Variants in ATP13A3 observed in about 807,000 individuals in gnomAD.
The protein encoded by ATP13A3 is polyamine-transporting ATPase 13A3.
Under a neutral mutation model 158.1 loss-of-function variants are expected in ATP13A3, and 59 were observed. The ratio of observed to expected loss-of-function variants is 0.37; its 90% CI spans 0.30 to 0.46. The LOEUF is 0.46. Among genes scored for constraint, ATP13A3 ranks in the 20% least tolerant of loss-of-function variants. ATP13A3 has a pLI of 1.00. For synonymous variants in ATP13A3, 491 were observed against 504.3 expected, an observed-to-expected ratio of 0.97 and a Z score of 0.35; for missense variants, 1,166 against 1,525.2, an observed-to-expected ratio of 0.76 and a Z score of 3.92.
chr3:194,411,523 C>A (rs1053198966), intron 33 of ATP13A3, among the ~76,000 whole-genome samples: 8 of 152,200 alleles, frequency 5.3e-5, no homozygotes, highest in African/African-American at 1.9e-4. Context: ...CATCCTAACA[C>A]TAGGAAATGG....
At chr3:194,425,257 T>C (rs1716679842) in intron 30 of ATP13A3, 85 bp downstream of exon 30, 2 of 1,247,818 alleles carry the variant, frequency 1.6e-6, no homozygotes, top group Non-Finnish European at 1.1e-6. Context: ...TGGTTTACTG[T>C]GGCAAAGACA....
intron 2 of ATP13A3, among the ~76,000 whole-genome samples, chr3:194,485,378 G>A (rs1209955858): frequency 1.3e-5 from 2 of 152,166 alleles, no homozygotes; most frequent in Non-Finnish European, 2.9e-5. Flanking sequence ...AACCTCTAGA[G>A]AAAATAATGT....
intron 31 of ATP13A3, among the ~76,000 whole-genome samples, chr3:194,415,661 C>CTTTTTTTTTTTTTTTTTTTTT (rs751005733): frequency 6.6e-5 from 6 of 90,928 alleles, no homozygotes; most frequent in South Asian, 4.0e-4. Context: ...ATACCACATT[C>CTTTTTTTTTTTTTTTTTTTTT]TTTTTTTTTT....
chr3:194,457,268 G>A (rs1719296378), intron 6 of ATP13A3, 94 bp from the exon 7 acceptor site: 1 of 861,348 alleles, frequency 1.2e-6, no homozygotes, highest in Non-Finnish European at 1.8e-6. Context: ...TTATAAAGGT[G>A]TGACTTCCTT....
intron 15 of ATP13A3, among the ~76,000 whole-genome samples, chr3:194,441,823 C>A (rs749632325): frequency 6.6e-6 from 1 of 152,158 alleles, no homozygotes; most frequent in Non-Finnish European, 1.5e-5. Flanking sequence ...AAGAGCTACA[C>A]GCCCTTGGGA....
intron 4 of ATP13A3, among the ~76,000 whole-genome samples, chr3:194,460,176 CAT>C (rs1719547255): frequency 6.6e-6 from 1 of 152,124 alleles, no homozygotes; most frequent in Non-Finnish European, 1.5e-5. Context: ...GTTTTTATGA[CAT>C]ATTTTACCGA....
intron 2 of ATP13A3, among the ~76,000 whole-genome samples, chr3:194,464,270 T>C (rs746549023): frequency 3.3e-5 from 5 of 152,144 alleles, no homozygotes; most frequent in Non-Finnish European, 7.3e-5. Flanking sequence ...GGTGCAAAAA[T>C]AAATAACCAG....
At position 194,459,353 on chromosome 3, in the gene ATP13A3, G is replaced by C. The variant is rs1401076496; in HGVS notation, c.479+118C>G. The C allele has an allele frequency of 4.1e-6, 3 of 737,530 alleles. No homozygotes were observed. The African/African-American group carries it at 5.4e-5, about 13-fold the overall frequency. The allele number at this position is 737,530 out of a possible 1,614,324, so 45.7% of individuals were successfully genotyped here. On this transcript the variant is annotated intron_variant, in intron 6 of 33. Transcript: ENST00000645319. Reference sequence around the variant, plus strand: ...AACAGGGAGTTGTTAATTAATACGTGAATAGAAATTATAAAATAAAACCTC... The same window carrying C: ...AACAGGGAGTTGTTAATTAATACGTCAATAGAAATTATAAAATAAAACCTC...
chr3:194,446,397 G>C (rs1294367325), intron 14 of ATP13A3, among the ~76,000 whole-genome samples: 1 of 152,112 alleles, frequency 6.6e-6, no homozygotes, highest in Non-Finnish European at 1.5e-5. Flanking sequence ...GTCCCAGTCT[G>C]CGCGAGTGTG....
chr3:194,450,092 T>C, intron 11 of ATP13A3, 53 bp downstream of exon 11: 2 of 1,572,094 alleles, frequency 1.3e-6, no homozygotes, highest in South Asian at 1.1e-5. Flanking sequence ...CTCACTAACT[T>C]AGTCATGATA....
Position 194,478,288 on chromosome 3 carries a change from C to T in ATP13A3, c.-47+7506G>A, listed in dbSNP as rs562008688. On this transcript the variant is annotated intron_variant, in intron 2 of 33. Transcript: ENST00000645319. ...ACCTTAAGGAACCACATCTAGTAGGCTAGACAAATAAGTAAGCAAACAAAT... is the reference window on the plus strand; with the variant it reads ...ACCTTAAGGAACCACATCTAGTAGGTTAGACAAATAAGTAAGCAAACAAAT... Among the ~76,000 whole-genome samples, 5 of 151,430 alleles carry T rather than the reference C, an allele frequency of 3.3e-5. No individual in the cohort carries two copies. The East Asian group carries it at 5.8e-4, about 18-fold the overall frequency.
At chr3:194,429,152 G>A (rs1339222807) in intron 27 of ATP13A3, among the ~76,000 whole-genome samples, 1 of 152,022 alleles carries the variant, frequency 6.6e-6, no homozygotes, top group Non-Finnish European at 1.5e-5. Flanking sequence ...CAATAGGCTG[G>A]GCGCGGTGAC....
At chr3:194,462,292 T>C in intron 2 of ATP13A3, 56 bp from the exon 3 acceptor site, 1 of 1,158,704 alleles carries the variant, frequency 8.6e-7, no homozygotes, top group Non-Finnish European at 1.3e-6. Flanking sequence ...TAGTAGACGA[T>C]ACAACTGCAT....
intron 16 of ATP13A3, among the ~76,000 whole-genome samples, chr3:194,440,188 G>C (rs904485891): frequency 3.7e-4 from 56 of 152,298 alleles, no homozygotes; most frequent in African/African-American, 1.3e-3. Context: ...CCTATGGATG[G>C]ATACAAACGG....
At chr3:194,417,451 A>G in intron 31 of ATP13A3, among the ~76,000 whole-genome samples, 1 of 151,314 alleles carries the variant, frequency 6.6e-6, no homozygotes. Flanking sequence ...ACACAAAAGG[A>G]GGAAGAAGGA....
At position 194,467,596 on chromosome 3, in the gene ATP13A3, G is replaced by A. The variant is rs1720070813; in HGVS notation, c.-46-5360C>T. ...TTTGAATATATTATACACCTCAAAGGAAATTACCCAAGAATTCACTTTTCA... is the reference window on the plus strand; with the variant it reads ...TTTGAATATATTATACACCTCAAAGAAAATTACCCAAGAATTCACTTTTCA... On this transcript the variant is annotated intron_variant, in intron 2 of 33. Transcript: ENST00000645319. 5.3e-5 allele frequency among the ~76,000 whole-genome samples: 8 copies of A among 151,982 alleles called. 1 individual carries two copies. The highest frequency in any genetic ancestry group is 5.2e-4 in the Admixed American group (8 of 15,270).
At chr3:194,417,765 C>A (rs937638147) in intron 31 of ATP13A3, among the ~76,000 whole-genome samples, 2 of 151,826 alleles carry the variant, frequency 1.3e-5, no homozygotes, top group Non-Finnish European at 2.9e-5. Context: ...ACAGTGAAAC[C>A]CCATTACAAA....
chr3:194,458,470 C>G, intron 6 of ATP13A3, among the ~76,000 whole-genome samples: 1 of 152,112 alleles, frequency 6.6e-6, no homozygotes, highest in East Asian at 1.9e-4. Context: ...CTCACTGCAA[C>G]CTCCGGCCCC....
intron 31 of ATP13A3, among the ~76,000 whole-genome samples, chr3:194,415,257 T>TA (rs1715742093): frequency 6.6e-6 from 1 of 152,042 alleles, no homozygotes; most frequent in African/African-American, 2.4e-5. Context: ...ACTTAACAAG[T>TA]AAGAGGCTAA....
Sources: gnomAD v4.1 joint callset for allele counts (sites outside exome capture counted in the v4.1 genomes callset) on GRCh38, gnomAD v4.1.1 for gene constraint, MANE v1.5 for transcripts, NCBI Gene and HGNC (gene_info 2026-07-23, HGNC 2026-07-21) for gene names.